Variants in DIPK1C observed in about 807,000 individuals in gnomAD.
The protein encoded by DIPK1C is divergent protein kinase domain 1C, also known as familial non-conventional Alzheimer's dementia.
DIPK1C carries 33 observed loss-of-function variants against 28.0 expected under a neutral mutation model. The observed-to-expected ratio is 1.18, with a 90% CI of 0.89 to 1.58. DIPK1C has a LOEUF of 1.58. Ranked by LOEUF, DIPK1C falls within the 40% of genes most tolerant of loss-of-function variation. DIPK1C has a pLI of 0.00. For synonymous variants in DIPK1C, 255 were observed against 248.8 expected, an observed-to-expected ratio of 1.02 and a Z score of -0.23; for missense variants, 569 against 568.5, an observed-to-expected ratio of 1.00 and a Z score of -0.01.
chr18:74,441,808 G>T, intron 3 of DIPK1C, 144 bp downstream of exon 3: 1 of 953,504 alleles, frequency 1.0e-6, no homozygotes, highest in Non-Finnish European at 1.6e-6. Context: ...CATCCCCACC[G>T]TCCTGCCTTT....
At position 74,446,648 on chromosome 18, in the gene DIPK1C, G is replaced by A. The variant is rs200748260; in HGVS notation, c.834C>T (p.Cys278=). The A allele has an allele frequency of 3.2e-4, 481 of 1,480,180 alleles. No homozygotes were observed. The highest frequency in any genetic ancestry group is 4.0e-4 in the Non-Finnish European group (445 of 1,113,358). The allele number at this position is 1,480,180 out of a possible 1,614,324, so 91.7% of individuals were successfully genotyped here. A position where few individuals can be genotyped will look rare whatever the true frequency, so the allele number is the denominator to read the frequency against. ...TGGCAAAGTTTTCCGGCTTGATGTCGCAGAGGTGGAGGCGGTGGGAAAAGT... is the reference window on the plus strand; with the variant it reads ...TGGCAAAGTTTTCCGGCTTGATGTCACAGAGGTGGAGGCGGTGGGAAAAGT... The part of the protein sequence containing the change: ...DSDFSHRLHL[C]DIKPENFAIR... Residue 278 remains cysteine, a synonymous_variant, in exon 2 of 4, where the codon TGC becomes TGT. Coordinates refer to ENST00000343998, the MANE Select transcript of DIPK1C (RefSeq NM_001044369.3).
At chr18:74,441,069 T>A (rs9961740) in intron 3 of DIPK1C, among the ~76,000 whole-genome samples, 1 of 152,064 alleles carries the variant, frequency 6.6e-6, no homozygotes, top group Non-Finnish European at 1.5e-5. Flanking sequence ...CCATCACAGC[T>A]GATGCAGCAC....
chr18:74,447,145 CG>C lies in DIPK1C; in HGVS notation c.336del (p.Val113TrpfsTer37), dbSNP rs1986288812. ...KVLQADWRGRPVVLKSKEEAF... is the reference protein window; with the variant it reads ...KVLQADWRGRXVVLKSKEEAF... ...GCCTCCTCCTTGGACTTGAGGACCA[CG>C]GGCCGGCCGCGCCAGTCGGCCTGCA... On this transcript the variant is annotated frameshift_variant, in exon 2 of 4. Coordinates refer to ENST00000343998, the MANE Select transcript of DIPK1C (RefSeq NM_001044369.3). LOFTEE classifies it high-confidence loss of function. The surrounding 1 kb of genome is among the most constrained non-coding windows in gnomAD (Gnocchi z 4.1). 1 of 1,550,566 alleles carries C rather than the reference CG, an allele frequency of 6.4e-7. No individual in the cohort carries two copies. Among genetic ancestry groups the C allele is most frequent in the African/African-American group, 1.4e-5 (1 of 73,194 alleles).
upstream of DIPK1C, among the ~76,000 whole-genome samples, chr18:74,459,913 G>A (rs1334650013): frequency 3.3e-5 from 5 of 152,144 alleles, no homozygotes; most frequent in Non-Finnish European, 7.4e-5. Flanking sequence ...GTGGGCTCCC[G>A]ATCCCTGGGC....
At position 74,436,116 on chromosome 18, in the gene DIPK1C, T is replaced by C. The variant is rs1985983673; in HGVS notation, c.*385A>G. 4.1e-6 allele frequency: 1 copy of C among 241,768 alleles called. No individual in the cohort carries two copies. Among genetic ancestry groups the C allele is most frequent in the East Asian group, 1.0e-4 (1 of 9,566 alleles). 15.0% of individuals were successfully genotyped at this position (241,768 alleles called of 1,614,324 possible). On this transcript the variant is annotated 3_prime_UTR_variant, in exon 4 of 4. Coordinates refer to ENST00000343998, the MANE Select transcript of DIPK1C (RefSeq NM_001044369.3). Reference sequence around the variant, plus strand: ...ACCCAGACACAGGCATACACATCATTTGTATGCACACACGCACACTTTTTA... The same window carrying C: ...ACCCAGACACAGGCATACACATCATCTGTATGCACACACGCACACTTTTTA...
At chr18:74,445,406 C>T (rs1030793983) in intron 2 of DIPK1C, among the ~76,000 whole-genome samples, 12 of 152,196 alleles carry the variant, frequency 7.9e-5, no homozygotes, top group African/African-American at 2.7e-4. Flanking sequence ...CCCTCCAGGG[C>T]AGCAGGGGGC....
At position 74,443,465 on chromosome 18, in the gene DIPK1C, T is replaced by C. The variant is rs566984666; in HGVS notation, c.877-1349A>G. ...GGTTGCATTTGTTGTTCATTCCCTCTTCAATTCTACGCAGTCTGGGAGGCA... is the reference window on the plus strand; with the variant it reads ...GGTTGCATTTGTTGTTCATTCCCTCCTCAATTCTACGCAGTCTGGGAGGCA... On this transcript the variant is annotated intron_variant, in intron 2 of 3. Transcript: ENST00000343998. 9.1e-4 allele frequency among the ~76,000 whole-genome samples: 138 copies of C among 152,342 alleles called. 2 individuals are homozygous for C. Among genetic ancestry groups the C allele is most frequent in the African/African-American group, 2.7e-3 (114 of 41,576 alleles).
At chr18:74,453,061 G>T (rs1369678976) in intron 1 of DIPK1C, among the ~76,000 whole-genome samples, 2 of 152,170 alleles carry the variant, frequency 1.3e-5, no homozygotes, top group East Asian at 3.8e-4. Context: ...TGCTTCTCAT[G>T]GATGTGAAAA....
At chr18:74,455,893 C>T (rs1177547116) in intron 1 of DIPK1C, among the ~76,000 whole-genome samples, 1 of 152,114 alleles carries the variant, frequency 6.6e-6, no homozygotes, top group Non-Finnish European at 1.5e-5. Flanking sequence ...AGGAGCATAA[C>T]TTGTCTTAGC....
At chr18:74,451,985 C>T (rs1007093292) in intron 1 of DIPK1C, among the ~76,000 whole-genome samples, 23 of 152,208 alleles carry the variant, frequency 1.5e-4, no homozygotes, top group African/African-American at 5.5e-4. Context: ...ATGCTCAGAA[C>T]ACTTACGTCA....
intron 1 of DIPK1C, among the ~76,000 whole-genome samples, chr18:74,455,557 G>C (rs568230278): frequency 2.6e-5 from 4 of 152,084 alleles, no homozygotes; most frequent in South Asian, 2.1e-4. Flanking sequence ...TTGGAAGGCC[G>C]AAGTGGGCGG....
At chr18:74,440,019 A>G (rs541515696) in intron 3 of DIPK1C, among the ~76,000 whole-genome samples, 2 of 146,404 alleles carry the variant, frequency 1.4e-5, no homozygotes, top group Admixed American at 7.1e-5. Flanking sequence ...ATCTCGGCTC[A>G]CTGCAAGCTC....
At chr18:74,455,932 A>G (rs866636409) in intron 1 of DIPK1C, among the ~76,000 whole-genome samples, 1 of 152,144 alleles carries the variant, frequency 6.6e-6, no homozygotes. Context: ...TTTTTAAAAA[A>G]CAATTTCAAT....
rs1219885307 is a variant in DIPK1C, at chr18:74,447,068, AC to A, written c.413del (p.Gly138ValfsTer12). ...GTTCGGCCTCGGGCATGTCCTGGCCACCCTCCCCTGCCTCCTCTTCCAACAG... is the reference window on the plus strand; with the variant it reads ...GTTCGGCCTCGGGCATGTCCTGGCCACCTCCCCTGCCTCCTCTTCCAACAG... ...LSLLEEEAGE[G>X]GQDMPEAELL... On this transcript the variant is annotated frameshift_variant, in exon 2 of 4. Transcript: ENST00000343998. LOFTEE classifies it high-confidence loss of function. This position sits in a 1 kb window ranked among gnomAD's most constrained non-coding sequence, Gnocchi z 4.1. 6.5e-7 allele frequency: 1 copy of A among 1,549,984 alleles called. No individual in the cohort carries two copies. Among genetic ancestry groups the A allele is most frequent in the African/African-American group, 1.4e-5 (1 of 72,978 alleles).
chr18:74,446,937 C>T lies in DIPK1C; in HGVS notation c.545G>A (p.Gly182Glu), dbSNP rs1350823925. The change falls in exon 2 of 4, where the codon GGA (glycine) becomes GAA (glutamate). Residue 182 changes from glycine (G) to glutamate (E), a missense_variant. Physicochemically the swap from Gly to Glu is moderately conservative, Grantham distance 98 (BLOSUM62 -2). Coordinates refer to ENST00000343998, the MANE Select transcript of DIPK1C (RefSeq NM_001044369.3). ...WPGRRGPRWR[G>E]QLASLWALLQ... ...CAGGGCCCACAGGCTGGCCAGCTGT[C>T]CCCGCCAGCGTGGGCCCCGCCTGCC... 43 of 1,502,284 alleles carry T rather than the reference C, an allele frequency of 2.9e-5. No individual in the cohort carries two copies. Among genetic ancestry groups the T allele is most frequent in the Non-Finnish European group, 3.7e-5 (42 of 1,120,700 alleles). The allele number at this position is 1,502,284 out of a possible 1,614,324, so 93.1% of individuals were successfully genotyped here.
In DIPK1C at chr18:74,447,211, A is replaced by G. The variant is rs547976174; in HGVS notation, c.271T>C (p.Phe91Leu). 84 of 1,550,106 alleles carry G rather than the reference A, an allele frequency of 5.4e-5. No homozygotes were observed. The African/African-American group carries it at 9.2e-4, about 17-fold the overall frequency. The change falls in exon 2 of 4, where the codon TTC becomes CTC. Residue 91 changes from phenylalanine to leucine, a missense_variant. Physicochemically the swap from Phe to Leu is conservative, Grantham distance 22. Coordinates refer to ENST00000343998, the MANE Select transcript of DIPK1C (RefSeq NM_001044369.3). This position sits in a 1 kb window ranked among gnomAD's most constrained non-coding sequence, Gnocchi z 4.1. ...CTGTTGTAGTGCAGGCAGCGTTGGA[A>G]CAGCAGCTCTCCCGCCACACACAGG... is the stretch of plus-strand genomic sequence containing the variant. ...EDLCVAGELLFQRCLHYNRGK... is the reference protein window; with the variant it reads ...EDLCVAGELLLQRCLHYNRGK...
In DIPK1C at chr18:74,436,568, C is replaced by G. The variant is rs1342480226; in HGVS notation, c.1193G>C (p.Ser398Thr). Residue 398 changes from serine to threonine, a missense_variant, in exon 4 of 4, where the codon AGC (serine) becomes ACC (threonine). By Grantham distance (58) the Ser-to-Thr change is moderately conservative. Coordinates refer to ENST00000343998, the MANE Select transcript of DIPK1C (RefSeq NM_001044369.3). ...PSGNTRRAAS[S>T]VFWKLRQLLQ... ...GAGTTGGCGAAGCTTCCAGAACACG[C>G]TGGAGGCTGCTCTCCGGGTGTTCCC... is the stretch of plus-strand genomic sequence containing the variant. 6.2e-7 allele frequency: 1 copy of G among 1,610,770 alleles called. No homozygotes were observed. The highest frequency in any genetic ancestry group is 8.5e-7 in the Non-Finnish European group (1 of 1,179,336).
upstream of DIPK1C, among the ~76,000 whole-genome samples, chr18:74,459,561 T>C (rs140488264): frequency 3.7e-4 from 57 of 152,344 alleles, no homozygotes; most frequent in East Asian, 8.5e-3. Flanking sequence ...GTAAAGCTTA[T>C]GAACTGTTTT....
At chr18:74,448,725 C>CT (rs1228236448) in intron 1 of DIPK1C, among the ~76,000 whole-genome samples, 1 of 152,158 alleles carries the variant, frequency 6.6e-6, no homozygotes. Flanking sequence ...TCGCAGGTGG[C>CT]TAGGTAGATC....
Sources: gnomAD v4.1 joint callset for allele counts (sites outside exome capture counted in the v4.1 genomes callset) on GRCh38, gnomAD v4.1.1 for gene constraint, Gnocchi (gnomAD v3.1) non-coding constraint, MANE v1.5 for transcripts, NCBI Gene and HGNC (gene_info 2026-07-23, HGNC 2026-07-21) for gene names.